The following CFAP61 variants were observed in gnomAD, a reference collection of about 807,000 sequenced individuals.
CFAP61 encodes the protein cilia and flagella associated protein 61.
Under a neutral mutation model 135.6 loss-of-function variants are expected in CFAP61, and 107 were observed. The observed-to-expected ratio is 0.79, with a 90% CI of 0.67 to 0.93. The LOEUF is 0.93. CFAP61 is among the 40% of genes least tolerant of loss of function. CFAP61 has a pLI of 0.00. For missense variants in CFAP61, 1,507 were observed against 1,556.2 expected (o/e 0.97, Z 0.53); for synonymous variants, 575 against 578.5 (o/e 0.99, Z 0.09).
intron 21 of CFAP61, among the ~76,000 whole-genome samples, chr20:20,269,066 T>G (rs1321564163): frequency 6.7e-6 from 1 of 149,268 alleles, no homozygotes; most frequent in Non-Finnish European, 1.5e-5. Flanking sequence ...AGAAATCTTA[T>G]GCTTTGGCTT....
intron 26 of CFAP61, among the ~76,000 whole-genome samples, chr20:20,342,344 A>C (rs1462611347): frequency 6.6e-6 from 1 of 152,176 alleles, no homozygotes; most frequent in East Asian, 1.9e-4. Flanking sequence ...CCTCAAAAGC[A>C]CACTCCTTTT....
intron 2 of CFAP61, among the ~76,000 whole-genome samples, chr20:20,067,597 G>A (rs1178522819): frequency 3.4e-5 from 5 of 147,824 alleles, no homozygotes; most frequent in Admixed American, 6.8e-5. Flanking sequence ...AGCTGAGATC[G>A]CGCCACTGCA....
chr20:20,326,431 A>G (rs2057750498), intron 25 of CFAP61, among the ~76,000 whole-genome samples: 1 of 152,202 alleles, frequency 6.6e-6, no homozygotes, highest in South Asian at 2.1e-4. Context: ...TGGAAATTGT[A>G]AAATATGCTC....
At chr20:20,177,189 C>T (rs997925127) in intron 13 of CFAP61, among the ~76,000 whole-genome samples, 2 of 151,938 alleles carry the variant, frequency 1.3e-5, no homozygotes, top group Non-Finnish European at 2.9e-5. Context: ...GCTTTAATTT[C>T]TCTTGCTTGT....
At chr20:20,075,097 A>T in intron 4 of CFAP61, 92 bp from the exon 5 acceptor site, 1 of 1,205,812 alleles carries the variant, frequency 8.3e-7, no homozygotes, top group Non-Finnish European at 1.2e-6. Context: ...GGAACACCTC[A>T]CCTTTTTAGT....
At chr20:20,171,106 A>T (rs2054186331) in intron 13 of CFAP61, among the ~76,000 whole-genome samples, 1 of 152,198 alleles carries the variant, frequency 6.6e-6, no homozygotes, top group African/African-American at 2.4e-5. Context: ...TTACAGAGCC[A>T]ACTCATGACC....
At chr20:20,279,567 A>G (rs1307248955) in intron 22 of CFAP61, among the ~76,000 whole-genome samples, 1 of 152,092 alleles carries the variant, frequency 6.6e-6, no homozygotes, top group Admixed American at 6.5e-5. Context: ...GAAGAGAAGG[A>G]AGAGGAGGGG....
rs562243461 is a variant in CFAP61, at chr20:20,249,580, CAA to C, written c.2160-2014_2160-2013del. ...TCAATGTAGTAACATATTGTAACAG[CAA>C]TCACCCCACATTCTTCAACACTTCC... On this transcript the variant is annotated intron_variant, in intron 19 of 26. Transcript: ENST00000245957. Among the ~76,000 whole-genome samples the C allele has an allele frequency of 3.5e-3, 536 of 152,212 alleles. 1 individual carries two copies. The highest frequency in any genetic ancestry group is 5.8e-3 in the Admixed American group (88 of 15,286).
intron 20 of CFAP61, among the ~76,000 whole-genome samples, chr20:20,260,403 C>T (rs544869291): frequency 2.0e-5 from 3 of 152,272 alleles, no homozygotes; most frequent in Admixed American, 1.3e-4. Flanking sequence ...TTCCATAGAT[C>T]GTTTTCTAAT....
intron 18 of CFAP61, among the ~76,000 whole-genome samples, chr20:20,242,285 G>GA (rs922198597): frequency 3.4e-4 from 51 of 151,360 alleles, no homozygotes; most frequent in African/African-American, 1.0e-3. Context: ...AGAGATTTTA[G>GA]AAAAAAAAAT....
chr20:20,203,526 T>C (rs900070328), intron 17 of CFAP61, among the ~76,000 whole-genome samples: 3 of 152,206 alleles, frequency 2.0e-5, no homozygotes, highest in African/African-American at 7.2e-5. Flanking sequence ...GTTTATAGGG[T>C]ACATGAGATA....
chr20:20,337,284 G>A (rs2058234940), intron 25 of CFAP61, among the ~76,000 whole-genome samples: 3 of 28,302 alleles, frequency 1.1e-4, no homozygotes, highest in Middle Eastern at 0.011. Flanking sequence ...GTGGATGGAT[G>A]GATGGATAGA....
At chr20:20,304,658 T>A (rs2056351561) in intron 25 of CFAP61, among the ~76,000 whole-genome samples, 1 of 151,874 alleles carries the variant, frequency 6.6e-6, no homozygotes, top group Non-Finnish European at 1.5e-5. Context: ...TTGGCAGTAT[T>A]TAGAATGGCA....
intron 8 of CFAP61, among the ~76,000 whole-genome samples, chr20:20,140,777 G>A (rs936184677): frequency 1.1e-4 from 17 of 151,716 alleles, no homozygotes; most frequent in African/African-American, 3.6e-4. Context: ...TGCTTATTGC[G>A]GCACTATTCA....
intron 26 of CFAP61, among the ~76,000 whole-genome samples, chr20:20,352,726 G>A (rs564463406): frequency 2.0e-5 from 3 of 152,304 alleles, no homozygotes; most frequent in Non-Finnish European, 2.9e-5. Flanking sequence ...ACCGGAAACT[G>A]TAAAACTTCT....
intron 24 of CFAP61, among the ~76,000 whole-genome samples, chr20:20,294,657 G>T (rs1006667468): frequency 5.9e-4 from 90 of 152,220 alleles, no homozygotes; most frequent in Non-Finnish European, 1.2e-3. Context: ...GGTCGGGCGC[G>T]GTGGCTCACG....
chr20:20,063,562 T>C (rs537249170), intron 2 of CFAP61, among the ~76,000 whole-genome samples: 1 of 152,310 alleles, frequency 6.6e-6, no homozygotes, highest in South Asian at 2.1e-4. Flanking sequence ...TAGTAATAAT[T>C]CTTAACCTAA....
chr20:20,236,513 G>T (rs2049603487), intron 18 of CFAP61, among the ~76,000 whole-genome samples: 1 of 152,078 alleles, frequency 6.6e-6, no homozygotes, highest in Admixed American at 6.5e-5. Flanking sequence ...TTACTTTGGG[G>T]CTTACCAGGC....
chr20:20,083,760 C>T (rs756018202), intron 6 of CFAP61, among the ~76,000 whole-genome samples: 47 of 152,106 alleles, frequency 3.1e-4, no homozygotes, highest in Non-Finnish European at 6.2e-4. Flanking sequence ...AAGTGACCAC[C>T]AAGTCTATGG....
Sources: allele counts gnomAD v4.1 joint callset (sites outside exome capture counted in the v4.1 genomes callset), GRCh38; gene constraint gnomAD v4.1.1; transcripts MANE v1.5; gene names NCBI Gene and HGNC (gene_info 2026-07-23, HGNC 2026-07-21).